Variants in BRAF observed in about 807,000 individuals in gnomAD.
BRAF encodes B-Raf proto-oncogene, serine/threonine kinase.
In BRAF, 16 loss-of-function variants were observed where a neutral mutation model predicts 104.6. That is an observed-to-expected ratio of 0.15 (90% CI 0.10 to 0.23). BRAF has a LOEUF of 0.23. BRAF is among the 10% of genes least tolerant of loss of function. The probability of loss-of-function intolerance (pLI) is 1.00; values close to 1 mark genes in which losing one functional copy is unlikely to be tolerated. For synonymous variants in BRAF, 310 were observed against 341.6 expected, an observed-to-expected ratio of 0.91 and a Z score of 1.02; for missense variants, 541 against 937.3, an observed-to-expected ratio of 0.58 and a Z score of 5.52.
At chr7:140,756,475 T>C (rs1233225422) in intron 14 of BRAF, among the ~76,000 whole-genome samples, 1 of 151,786 alleles carries the variant, frequency 6.6e-6, no homozygotes, top group East Asian at 1.9e-4. Flanking sequence ...CTACCCTAAA[T>C]AATTCTATAT....
chr7:140,878,584 G>A (rs759455164), intron 1 of BRAF, among the ~76,000 whole-genome samples: 3 of 152,166 alleles, frequency 2.0e-5, no homozygotes, highest in Non-Finnish European at 4.4e-5. Flanking sequence ...GGTTATCAGA[G>A]TCTGGGAAGA....
intron 19 of BRAF, chr7:140,733,842 CA>C: frequency 6.3e-6 from 2 of 319,718 alleles, no homozygotes; most frequent in Non-Finnish European, 9.1e-6. Flanking sequence ...GCGTTTGCAA[CA>C]AAATTTGACT....
intron 16 of BRAF, among the ~76,000 whole-genome samples, chr7:140,751,014 A>T (rs1016168993): frequency 2.2e-4 from 33 of 152,062 alleles, no homozygotes; most frequent in Non-Finnish European, 5.9e-5. Flanking sequence ...TTATGACCAA[A>T]CTCTTCTCTC....
At chr7:140,833,165 C>T (rs939267694) in intron 3 of BRAF, among the ~76,000 whole-genome samples, 7 of 151,866 alleles carry the variant, frequency 4.6e-5, no homozygotes, top group East Asian at 1.9e-4. Flanking sequence ...ATTACAGGCA[C>T]GAGCCACTGT....
intron 3 of BRAF, among the ~76,000 whole-genome samples, chr7:140,829,513 G>C (rs912382750): frequency 1.3e-5 from 2 of 151,474 alleles, no homozygotes; most frequent in African/African-American, 4.9e-5. Flanking sequence ...TACATTTTCT[G>C]AAATTCTGGG....
Position 140,723,706 on chromosome 7 carries a change from C to T in BRAF, c.*2788G>A. 1 of 1,051,630 alleles carries T rather than the reference C, an allele frequency of 9.5e-7. No individual in the cohort carries two copies. The highest frequency in any genetic ancestry group is 1.1e-6 in the Non-Finnish European group (1 of 870,642). 65.1% of individuals were successfully genotyped at this position (1,051,630 alleles called of 1,614,324 possible). A position where few individuals can be genotyped will look rare whatever the true frequency, so the allele number is the denominator to read the frequency against. On this transcript the variant is annotated 3_prime_UTR_variant, in exon 20 of 20. Transcript: ENST00000644969. Reference sequence around the variant, plus strand: ...AATTTTTCAGAAGGCTTCACCTCTCCCTACCAAAAATAAAACACACTACAG... The same window carrying T: ...AATTTTTCAGAAGGCTTCACCTCTCTCTACCAAAAATAAAACACACTACAG...
intron 3 of BRAF, among the ~76,000 whole-genome samples, chr7:140,824,974 T>A (rs1478242790): frequency 8.3e-6 from 1 of 121,194 alleles, no homozygotes. Context: ...TTGTTTTTTC[T>A]TTTTTTTTTT....
At position 140,832,532 on chromosome 7, in the gene BRAF, G is replaced by A. The variant is rs1051094593; in HGVS notation, c.504+2077C>T. ...GGTTAACAGATTCAGATAAAAGAGA[G>A]AATGGCAAAATAACGTTCTTGAAAG... On this transcript the variant is annotated intron_variant, in intron 3 of 19. Transcript: ENST00000644969. 1.5e-4 allele frequency among the ~76,000 whole-genome samples: 23 copies of A among 152,084 alleles called. 1 individual carries two copies. Among genetic ancestry groups the A allele is most frequent in the Non-Finnish European group, 1.9e-4 (13 of 68,024 alleles).
intron 1 of BRAF, among the ~76,000 whole-genome samples, chr7:140,852,494 A>G (rs1809290186): frequency 6.6e-6 from 1 of 152,168 alleles, no homozygotes; most frequent in Non-Finnish European, 1.5e-5. Context: ...ATTCATATGC[A>G]TATTAAAGTC....
At chr7:140,904,124 C>G (rs1048179611) in intron 1 of BRAF, among the ~76,000 whole-genome samples, 1 of 152,200 alleles carries the variant, frequency 6.6e-6, no homozygotes, top group Non-Finnish European at 1.5e-5. Flanking sequence ...AGCAGTTCTA[C>G]TGTGGTTCAA....
At chr7:140,832,371 T>A (rs960374166) in intron 3 of BRAF, among the ~76,000 whole-genome samples, 6 of 152,194 alleles carry the variant, frequency 3.9e-5, no homozygotes, top group African/African-American at 1.4e-4. Flanking sequence ...ATGTGAATTA[T>A]CCTGGCTGAG....
intron 1 of BRAF, among the ~76,000 whole-genome samples, chr7:140,862,725 G>A (rs1810552220): frequency 6.6e-6 from 1 of 152,048 alleles, no homozygotes; most frequent in Admixed American, 6.6e-5. Context: ...GCAAATTGGT[G>A]GGAACAGAGA....
intron 1 of BRAF, among the ~76,000 whole-genome samples, chr7:140,880,627 G>C (rs1377327356): frequency 1.3e-5 from 2 of 152,104 alleles, no homozygotes; most frequent in Admixed American, 6.5e-5. Context: ...GGCAGCTATA[G>C]CCTAATAAAA....
chr7:140,860,035 A>G (rs1156289961), intron 1 of BRAF, among the ~76,000 whole-genome samples: 1 of 152,168 alleles, frequency 6.6e-6, no homozygotes. Flanking sequence ...GCCTTTGGCT[A>G]TTTTGAATAA....
chr7:140,769,645 A>AT (rs1194050840), intron 14 of BRAF, among the ~76,000 whole-genome samples: 1 of 152,218 alleles, frequency 6.6e-6, no homozygotes, highest in Non-Finnish European at 1.5e-5. Flanking sequence ...ATTCTACTGT[A>AT]TGTAAGTGCC....
intron 1 of BRAF, among the ~76,000 whole-genome samples, chr7:140,859,879 G>T (rs1300513955): frequency 1.3e-5 from 2 of 152,070 alleles, no homozygotes; most frequent in African/African-American, 4.8e-5. Flanking sequence ...AGTAGAGACA[G>T]GATTTCACCA....
At chr7:140,915,049 C>CAAAA (rs567503566) in intron 1 of BRAF, among the ~76,000 whole-genome samples, 4 of 61,848 alleles carry the variant, frequency 6.5e-5, no homozygotes, top group African/African-American at 1.7e-4. Flanking sequence ...ACTCCGTCTC[C>CAAAA]AAAAAAAAAA....
intron 1 of BRAF, among the ~76,000 whole-genome samples, chr7:140,879,753 T>C (rs1812676893): frequency 6.7e-6 from 1 of 150,104 alleles, no homozygotes; most frequent in Admixed American, 6.6e-5. Flanking sequence ...TTTTTTAAGA[T>C]GGAGTCTTGC....
At chr7:140,813,099 A>G in intron 3 of BRAF, among the ~76,000 whole-genome samples, 1 of 152,314 alleles carries the variant, frequency 6.6e-6, no homozygotes, top group Non-Finnish European at 1.5e-5. Flanking sequence ...AACACATTAA[A>G]AGTGAAGTAA....
Sources: allele counts gnomAD v4.1 joint callset (sites outside exome capture counted in the v4.1 genomes callset), GRCh38; gene constraint gnomAD v4.1.1; transcripts MANE v1.5; gene names NCBI Gene and HGNC (gene_info 2026-07-23, HGNC 2026-07-21).